ACVR1: variants seen among roughly 807,000 people sequenced by gnomAD.
The protein encoded by ACVR1 is activin A receptor type 1, also known as activin receptor type-1.
Under a neutral mutation model 57.1 loss-of-function variants are expected in ACVR1, and 38 were observed. The observed-to-expected ratio is 0.67, with a 90% CI of 0.51 to 0.87. The LOEUF (loss-of-function observed/expected upper bound fraction) is 0.87, where lower values mean the gene tolerates loss of function less well. Ranked by LOEUF, ACVR1 falls within the 40% of genes least tolerant of loss-of-function variation. The pLI, the probability that ACVR1 is intolerant of heterozygous loss-of-function variation, is 0.00. For synonymous variants in ACVR1, 212 were observed against 228.1 expected (o/e 0.93, Z 0.63); for missense variants, 463 against 638.2 (o/e 0.73, Z 2.96).
rs1307752102 is a variant in ACVR1 at position 157,876,225 on chromosome 2, AGCTG to A, written c.-616_-613del. ...CGACCGCGGGCGGGGCGGGCGGACC[AGCTG>A]GGCTTGCCCCCGGGGGCGGCGGGGG... On this transcript the variant is annotated 5_prime_UTR_variant, in exon 1 of 11. Coordinates refer to ENST00000434821, the MANE Select transcript of ACVR1 (RefSeq NM_001111067.4). Among the ~76,000 whole-genome samples the A allele has an allele frequency of 4.8e-5, 7 of 144,910 alleles. No individual in the cohort carries two copies. Among genetic ancestry groups the A allele is most frequent in the African/African-American group, 1.5e-4 (6 of 39,000 alleles).
At chr2:157,740,354 T>A (rs1684704533) in intron 9 of ACVR1, among the ~76,000 whole-genome samples, 1 of 152,158 alleles carries the variant, frequency 6.6e-6, no homozygotes, top group South Asian at 2.1e-4. Flanking sequence ...TTAGAGGCCC[T>A]TCTTCTCCTG....
At chr2:157,801,947 G>A (rs1236224074) in intron 2 of ACVR1, among the ~76,000 whole-genome samples, 1 of 152,110 alleles carries the variant, frequency 6.6e-6, no homozygotes, top group Non-Finnish European at 1.5e-5. Context: ...ACCTAAAATA[G>A]TAAATATAAA....
chr2:157,770,348 G>A lies in ACVR1; in HGVS notation c.790+20C>T. Reference sequence around the variant, plus strand: ...TTTCTCCCTAGATACAATTAATGAGGGGGTTATCCTTGTACTTACCTAAGA... The same window carrying A: ...TTTCTCCCTAGATACAATTAATGAGAGGGTTATCCTTGTACTTACCTAAGA... On this transcript the variant is annotated intron_variant, in intron 7 of 10. Coordinates refer to ENST00000434821, the MANE Select transcript of ACVR1 (RefSeq NM_001111067.4). 1 of 1,613,542 alleles carries A rather than the reference G, an allele frequency of 6.2e-7. No homozygotes were observed. The highest frequency in any genetic ancestry group is 1.1e-5 in the South Asian group (1 of 91,056).
chr2:157,808,809 G>C (rs187487959), intron 2 of ACVR1, among the ~76,000 whole-genome samples: 2 of 151,176 alleles, frequency 1.3e-5, no homozygotes, highest in East Asian at 3.9e-4. Context: ...CCAAGGAAGT[G>C]TCAGGAGAAA....
intron 1 of ACVR1, among the ~76,000 whole-genome samples, chr2:157,861,773 C>T (rs1036760867): frequency 9.9e-5 from 15 of 152,192 alleles, no homozygotes; most frequent in African/African-American, 3.6e-4. Flanking sequence ...CTTAAGAGAG[C>T]ATTTGAAAAT....
chr2:157,865,323 AG>A (rs1689876036), intron 1 of ACVR1, among the ~76,000 whole-genome samples: 1 of 152,256 alleles, frequency 6.6e-6, no homozygotes, highest in Non-Finnish European at 1.5e-5. Flanking sequence ...TTGAGTCTTA[AG>A]GGTCATCCTC....
At chr2:157,845,981 C>T (rs1251753647) in intron 1 of ACVR1, among the ~76,000 whole-genome samples, 1 of 152,184 alleles carries the variant, frequency 6.6e-6, no homozygotes, top group African/African-American at 2.4e-5. Flanking sequence ...AAGAAAGATC[C>T]TTGAAAAACA....
At chr2:157,773,034 T>C (rs1686130752) in intron 6 of ACVR1, among the ~76,000 whole-genome samples, 2 of 152,100 alleles carry the variant, frequency 1.3e-5, no homozygotes, top group African/African-American at 4.8e-5. Flanking sequence ...TGGGGGCAGC[T>C]TATAGGTCAC....
At position 157,742,857 on chromosome 2, in the gene ACVR1, C is replaced by T. The variant is rs111757855; in HGVS notation, c.1265-4287G>A. On this transcript the variant is annotated intron_variant, in intron 9 of 10. Transcript: ENST00000434821. ...TCCGCTTGACAGCTGCATGTGGGAC[C>T]CGCAGGTCTCTCTGCATCAGTCCTC... 9.7e-3 allele frequency among the ~76,000 whole-genome samples: 1,480 copies of T among 152,284 alleles called. 12 individuals carry two copies. Among genetic ancestry groups the T allele is most frequent in the Non-Finnish European group, 0.014 (930 of 68,026 alleles).
chr2:157,855,319 T>TACACACAC (rs775743957), intron 1 of ACVR1, among the ~76,000 whole-genome samples: 3 of 99,152 alleles, frequency 3.0e-5, no homozygotes, highest in Non-Finnish European at 3.9e-5. Context: ...TATATATATA[T>TACACACAC]ATATACACAC....
At chr2:157,795,962 G>A (rs1309339148) in intron 3 of ACVR1, among the ~76,000 whole-genome samples, 1 of 152,156 alleles carries the variant, frequency 6.6e-6, no homozygotes, top group East Asian at 1.9e-4. Flanking sequence ...GGTGGCTCAC[G>A]CCTGTAATCC....
At chr2:157,837,090 G>A (rs982854335) in intron 1 of ACVR1, among the ~76,000 whole-genome samples, 2 of 152,202 alleles carry the variant, frequency 1.3e-5, no homozygotes, top group African/African-American at 4.8e-5. Context: ...AAAGTTCATA[G>A]CACAGGATGT....
rs146473698 is a variant in ACVR1 at position 157,805,564 on chromosome 2, A to G, written c.-7-6064T>C. On this transcript the variant is annotated intron_variant, in intron 2 of 10. Transcript: ENST00000434821. ...TAAGGAAAAAATAATAATTCTCTTTAATATAAAAGGCAGAGGCAATGTGGA... is the reference window on the plus strand; with the variant it reads ...TAAGGAAAAAATAATAATTCTCTTTGATATAAAAGGCAGAGGCAATGTGGA... Among the ~76,000 whole-genome samples, 1,069 of 152,238 alleles carry G rather than the reference A, an allele frequency of 7.0e-3. 12 individuals carry two copies. Among genetic ancestry groups the G allele is most frequent in the African/African-American group, 0.024 (988 of 41,536 alleles).
At chr2:157,852,670 A>T (rs115409876) in intron 1 of ACVR1, among the ~76,000 whole-genome samples, 1,819 of 152,326 alleles carry the variant, frequency 0.012, 38 homozygotes, top group African/African-American at 0.041. Flanking sequence ...AACATACACA[A>T]GATAGGTACC....
chr2:157,823,728 C>A (rs1209381076), intron 1 of ACVR1, among the ~76,000 whole-genome samples: 1 of 152,144 alleles, frequency 6.6e-6, no homozygotes, highest in Non-Finnish European at 1.5e-5. Context: ...TGAAGATAAT[C>A]TGCCTACACT....
intron 9 of ACVR1, among the ~76,000 whole-genome samples, chr2:157,751,974 C>T (rs1396036743): frequency 6.6e-6 from 1 of 152,188 alleles, no homozygotes; most frequent in Non-Finnish European, 1.5e-5. Flanking sequence ...CTTGAAAGCG[C>T]CACCTCCTGG....
rs138808563 is a variant in ACVR1, at chr2:157,778,338, T to G, written c.336A>C (p.Lys112Asn). The G allele has an allele frequency of 8.7e-6, 14 of 1,613,134 alleles. No individual in the cohort carries two copies. Among genetic ancestry groups the G allele is most frequent in the African/African-American group, 2.7e-5 (2 of 74,870 alleles). Residue 112 changes from lysine (K) to asparagine (N), a missense_variant, in exon 5 of 11, where the codon AAA (lysine) becomes AAC (asparagine). This residue lies in a region of ACVR1 where 203 missense variants were observed against 235.5 expected (regional missense o/e 0.86). Transcript: ENST00000434821. ...GGAAATTCTGTGTTCCAGGGAAGGA[T>G]TTTCCTGGAGTTGGAGGGAAAAGGG... is the stretch of plus-strand genomic sequence containing the variant. The part of the protein sequence containing the change: ...NITAQLPTKG[K>N]SFPGTQNFHL...
At position 157,799,436 on chromosome 2, in the gene ACVR1, T is replaced by A; in HGVS notation, c.58A>T (p.Ser20Cys). 6.2e-7 allele frequency: 1 copy of A among 1,610,338 alleles called. No homozygotes were observed. The highest frequency in any genetic ancestry group is 8.5e-7 in the Non-Finnish European group (1 of 1,177,820). ...VLIMIALPSP[S>C]MEDEKPKVNP... The stretch of plus-strand genomic sequence containing the variant: ...GATGTGAGTCACTTACCTTCCATAC[T>A]AGGGGAGGGGAGAGCAATCATGATA... The change falls in exon 3 of 11, where the codon AGT becomes TGT. Residue 20 changes from serine to cysteine, a missense_variant. This residue lies in a region of ACVR1 where 203 missense variants were observed against 235.5 expected (regional missense o/e 0.86). Transcript: ENST00000434821.
intron 5 of ACVR1, among the ~76,000 whole-genome samples, chr2:157,777,598 T>C (rs911762354): frequency 6.6e-6 from 1 of 152,236 alleles, no homozygotes; most frequent in Non-Finnish European, 1.5e-5. Context: ...CACATGTTTC[T>C]ATTGGACAAC....
Sources: allele counts gnomAD v4.1 joint callset (sites outside exome capture counted in the v4.1 genomes callset), GRCh38; gene constraint gnomAD v4.1.1; regional missense constraint gnomAD v4.1.1; transcripts MANE v1.5; gene names NCBI Gene and HGNC (gene_info 2026-07-23, HGNC 2026-07-21).